STRA8: variants seen among roughly 807,000 people sequenced by gnomAD.
STRA8 encodes the protein stimulated by retinoic acid 8, also known as stimulated by retinoic acid gene 8 protein homolog.
Under a neutral mutation model 37.1 loss-of-function variants are expected in STRA8, and 18 were observed. That is an observed-to-expected ratio of 0.48 (90% CI 0.34 to 0.72). STRA8 has a LOEUF of 0.72. Ranked by LOEUF, STRA8 falls within the 30% of genes least tolerant of loss-of-function variation. The pLI, the probability that STRA8 is intolerant of heterozygous loss-of-function variation, is 0.01. For synonymous variants in STRA8, 168 were observed against 162.9 expected (o/e 1.03, Z -0.24); for missense variants, 357 against 410.4 (o/e 0.87, Z 1.13).
At chr7:135,245,936 G>T (rs1169931317) in intron 5 of STRA8, among the ~76,000 whole-genome samples, 1 of 152,244 alleles carries the variant, frequency 6.6e-6, no homozygotes, top group East Asian at 1.9e-4. Context: ...GACGTCCCTT[G>T]CCACTGCCTC....
At chr7:135,249,564 A>G (rs1035240700) in intron 6 of STRA8, among the ~76,000 whole-genome samples, 2 of 152,244 alleles carry the variant, frequency 1.3e-5, no homozygotes, top group Non-Finnish European at 2.9e-5. Context: ...AGCCTGGGTG[A>G]CAAGAGTAAA....
At chr7:135,251,507 C>G (rs1037201386) in intron 6 of STRA8, among the ~76,000 whole-genome samples, 1 of 152,192 alleles carries the variant, frequency 6.6e-6, no homozygotes, top group African/African-American at 2.4e-5. Context: ...CATCTCACAC[C>G]TGAGCTCCCA....
intron 1 of STRA8, among the ~76,000 whole-genome samples, chr7:135,234,392 G>A (rs116978362): frequency 6.6e-6 from 1 of 152,316 alleles, no homozygotes; most frequent in East Asian, 1.9e-4. Context: ...ACAGGCAGGA[G>A]CCACGGCACC....
intron 8 of STRA8, among the ~76,000 whole-genome samples, chr7:135,257,538 C>T (rs1178834632): frequency 2.6e-5 from 4 of 152,050 alleles, no homozygotes; most frequent in African/African-American, 9.7e-5. Flanking sequence ...GATTCTCATG[C>T]CATGGCCTCC....
In STRA8 at chr7:135,258,541, C is replaced by A; in HGVS notation, c.*49C>A. ...AGGGACTGAATGAGGTGGGCAGTTC[C>A]CAAGGTTGAATGCTGGCAGCTAAGG... On this transcript the variant is annotated 3_prime_UTR_variant, in exon 9 of 9. Coordinates refer to ENST00000662584, the MANE Select transcript of STRA8 (RefSeq NM_001394401.1). 1 of 1,513,854 alleles carries A rather than the reference C, an allele frequency of 6.6e-7. No individual in the cohort carries two copies. Among genetic ancestry groups the A allele is most frequent in the Admixed American group, 2.0e-5 (1 of 50,944 alleles). The allele number at this position is 1,513,854 out of a possible 1,614,324, so 93.8% of individuals were successfully genotyped here.
intron 1 of STRA8, among the ~76,000 whole-genome samples, chr7:135,239,888 T>C (rs1276472147): frequency 6.6e-6 from 1 of 152,202 alleles, no homozygotes; most frequent in Admixed American, 6.5e-5. Context: ...TTTTCTTTTT[T>C]ATGTTTTTCC....
In STRA8 at chr7:135,246,571, G is replaced by A. The variant is rs1249509082; in HGVS notation, c.748G>A (p.Ala250Thr). 1.3e-6 allele frequency: 2 copies of A among 1,554,478 alleles called. No homozygotes were observed. The highest frequency in any genetic ancestry group is 1.7e-6 in the Non-Finnish European group (2 of 1,150,638). Residue 250 changes from alanine (A) to threonine (T), a missense_variant, in exon 6 of 9, where the codon GCG (alanine) becomes ACG (threonine). Transcript: ENST00000662584. The surrounding 1 kb of genome is among the most constrained non-coding windows in gnomAD (Gnocchi z 5.4). ...GAAGGCCAGCCTCCGGCAGGCCTGG[G>A]CGCAGAAGCACCGCGGCCCTGCGAC... ...ERKASLRQAW[A>T]QKHRGPATLA...
At chr7:135,247,939 A>C (rs1245997778) in intron 6 of STRA8, among the ~76,000 whole-genome samples, 2 of 152,244 alleles carry the variant, frequency 1.3e-5, no homozygotes, top group African/African-American at 4.8e-5. Flanking sequence ...GCCGATTCGC[A>C]TTCTGCACAT....
At chr7:135,233,798 C>T (rs1832326272), upstream of STRA8, among the ~76,000 whole-genome samples, 1 of 152,188 alleles carries the variant, frequency 6.6e-6, no homozygotes, top group Non-Finnish European at 1.5e-5. Context: ...TAACGAGGTG[C>T]CAGGTCTGTT....
chr7:135,257,039 G>T (rs572040285), intron 8 of STRA8, among the ~76,000 whole-genome samples: 181 of 152,294 alleles, frequency 1.2e-3, no homozygotes, highest in Middle Eastern at 3.4e-3. Flanking sequence ...CACAAGATTT[G>T]CCTGGAGACT....
intron 7 of STRA8, among the ~76,000 whole-genome samples, chr7:135,254,682 C>A (rs908302067): frequency 6.6e-6 from 1 of 152,224 alleles, no homozygotes; most frequent in African/African-American, 2.4e-5. Context: ...GCACAACAGG[C>A]CTCCTTTCTG....
chr7:135,244,647 T>C (rs746327835), intron 4 of STRA8, among the ~76,000 whole-genome samples: 7 of 152,370 alleles, frequency 4.6e-5, no homozygotes, highest in Non-Finnish European at 7.3e-5. Flanking sequence ...AGCAATATTA[T>C]TCATTTTTAT....
rs1832736720 is a variant in STRA8 at position 135,258,609 on chromosome 7, T to C, written c.*117T>C. 4 of 725,352 alleles carry C rather than the reference T, an allele frequency of 5.5e-6. No individual in the cohort carries two copies. Among genetic ancestry groups the C allele is most frequent in the Admixed American group, 2.8e-5 (1 of 35,950 alleles). The allele number at this position is 725,352 out of a possible 1,614,324, so 44.9% of individuals were successfully genotyped here. ...TCCAGGACTCTTTGGAGTGGGTTGTTCCAGAAGCATTTTGATGATTTTAGT... is the reference window on the plus strand; with the variant it reads ...TCCAGGACTCTTTGGAGTGGGTTGTCCCAGAAGCATTTTGATGATTTTAGT... On this transcript the variant is annotated 3_prime_UTR_variant, in exon 9 of 9. Transcript: ENST00000662584.
intron 1 of STRA8, among the ~76,000 whole-genome samples, chr7:135,238,001 G>C (rs1220002290): frequency 6.6e-6 from 1 of 152,160 alleles, no homozygotes; most frequent in Non-Finnish European, 1.5e-5. Flanking sequence ...GAAATAACTA[G>C]GAAAGAATGC....
chr7:135,237,267 T>C (rs1832390855), intron 1 of STRA8, among the ~76,000 whole-genome samples: 2 of 152,202 alleles, frequency 1.3e-5, no homozygotes, highest in African/African-American at 4.8e-5. Context: ...AGTTCCAGAC[T>C]GTTTTCTCTA....
rs181464174 is a variant in STRA8, at chr7:135,243,253, C to T, written c.269-73C>T. 5.1e-4 allele frequency: 775 copies of T among 1,522,460 alleles called. 7 individuals are homozygous for T. Among genetic ancestry groups the T allele is most frequent in the Non-Finnish European group, 2.1e-5 (23 of 1,102,410 alleles). The allele number at this position is 1,522,460 out of a possible 1,614,324, so 94.3% of individuals were successfully genotyped here. Reference sequence around the variant, plus strand: ...GGGTCCCACCCACAGCCCACCTGGGCCAGAAGGGTGGGAGAGACTCAACAG... The same window carrying T: ...GGGTCCCACCCACAGCCCACCTGGGTCAGAAGGGTGGGAGAGACTCAACAG... On this transcript the variant is annotated intron_variant, in intron 3 of 8. Coordinates refer to ENST00000662584, the MANE Select transcript of STRA8 (RefSeq NM_001394401.1).
intron 7 of STRA8, among the ~76,000 whole-genome samples, chr7:135,253,150 G>A (rs538364853): frequency 2.0e-5 from 3 of 152,264 alleles, no homozygotes; most frequent in Admixed American, 6.5e-5. Flanking sequence ...GGCCAGGCTG[G>A]TCTCGAACCC....
rs1229261351 is a variant in STRA8, at chr7:135,233,850, G to A, written c.-60G>A. Among the ~76,000 whole-genome samples, 8 of 152,166 alleles carry A rather than the reference G, an allele frequency of 5.3e-5. No individual in the cohort carries two copies. The highest frequency in any genetic ancestry group is 1.2e-4 in the Non-Finnish European group (8 of 68,020). ...AACCGCGATCCCCACTCCGGCGCAC[G>A]AAGCCGGGTGACTGCTGTCCCGGGA... On this transcript the variant is annotated 5_prime_UTR_variant, in exon 1 of 9. Transcript: ENST00000662584.
chr7:135,252,646 T>C (rs988545221), intron 7 of STRA8, among the ~76,000 whole-genome samples: 2 of 152,124 alleles, frequency 1.3e-5, no homozygotes. Context: ...CAGCTGTAGG[T>C]TGTGGAAACT....
Sources: allele counts gnomAD v4.1 joint callset (sites outside exome capture counted in the v4.1 genomes callset), GRCh38; gene constraint gnomAD v4.1.1; non-coding constraint Gnocchi (gnomAD v3.1); transcripts MANE v1.5; gene names NCBI Gene and HGNC (gene_info 2026-07-23, HGNC 2026-07-21).